Variants in TMCC3 observed in about 807,000 individuals in gnomAD.
TMCC3 encodes the protein transmembrane and coiled-coil domain family 3.
Under a neutral mutation model 40.2 loss-of-function variants are expected in TMCC3, and 28 were observed. The ratio of observed to expected loss-of-function variants is 0.70; its 90% CI spans 0.52 to 0.95. TMCC3 has a LOEUF of 0.95. Ranked by LOEUF, TMCC3 falls within the 40% of genes least tolerant of loss-of-function variation. The pLI, the probability that TMCC3 is intolerant of heterozygous loss-of-function variation, is 0.00. For missense variants in TMCC3, 554 were observed against 615.2 expected, an observed-to-expected ratio of 0.90 and a Z score of 1.05; for synonymous variants, 255 against 248.5, an observed-to-expected ratio of 1.03 and a Z score of -0.25.
At position 94,581,908 on chromosome 12, in the gene TMCC3, T is replaced by C. The variant is rs2068604654; in HGVS notation, c.709A>G (p.Arg237Gly). The C allele has an allele frequency of 1.9e-6, 3 of 1,614,268 alleles. No individual in the cohort carries two copies. The highest frequency in any genetic ancestry group is 1.7e-6 in the Non-Finnish European group (2 of 1,180,044). Reference protein sequence around the residue: ...LEEFRPEASARAYGGSATIVN... With the variant: ...LEEFRPEASAGAYGGSATIVN... Reference sequence around the variant, plus strand: ...ATGGTAGCGCTGCCCCCGTAGGCCCTGGCACTCGCCTCTGGCCTAAACTCC... The same window carrying C: ...ATGGTAGCGCTGCCCCCGTAGGCCCCGGCACTCGCCTCTGGCCTAAACTCC... The change falls in exon 2 of 4, where the codon AGG becomes GGG. Residue 237 changes from arginine (R) to glycine (G), a missense_variant. Coordinates refer to ENST00000261226, the MANE Select transcript of TMCC3 (RefSeq NM_020698.4).
At chr12:94,573,979 A>T (rs1312979253) in intron 3 of TMCC3, among the ~76,000 whole-genome samples, 2 of 152,208 alleles carry the variant, frequency 1.3e-5, no homozygotes, top group African/African-American at 4.8e-5. Context: ...GAGGACAGGA[A>T]CTAGCCCATC....
chr12:94,633,291 C>T (rs1389922322), intron 1 of TMCC3, among the ~76,000 whole-genome samples: 1 of 151,904 alleles, frequency 6.6e-6, no homozygotes. Context: ...TTATGGAGGC[C>T]TCTGAGGAAG....
intron 1 of TMCC3, among the ~76,000 whole-genome samples, chr12:94,638,728 T>C (rs61936698): frequency 7.9e-5 from 12 of 152,244 alleles, no homozygotes; most frequent in Admixed American, 2.0e-4. Context: ...AGTACCCTGC[T>C]GACTATCTGA....
chr12:94,627,850 T>A (rs1193347181), intron 1 of TMCC3, among the ~76,000 whole-genome samples: 1 of 152,252 alleles, frequency 6.6e-6, no homozygotes, highest in Non-Finnish European at 1.5e-5. Flanking sequence ...TATGTATAGG[T>A]CTGGCTTGTC....
chr12:94,626,911 A>G (rs963062582), intron 1 of TMCC3, among the ~76,000 whole-genome samples: 3 of 152,078 alleles, frequency 2.0e-5, no homozygotes, highest in African/African-American at 7.2e-5. Context: ...CCTAAGCTGG[A>G]GTGCAGTGGT....
intron 1 of TMCC3, among the ~76,000 whole-genome samples, chr12:94,627,307 G>A (rs778190797): frequency 2.6e-5 from 4 of 152,166 alleles, no homozygotes; most frequent in Non-Finnish European, 5.9e-5. Flanking sequence ...ACAGCTGTCA[G>A]CACACTAGGG....
intron 1 of TMCC3, among the ~76,000 whole-genome samples, chr12:94,588,958 G>C (rs960580848): frequency 1.3e-5 from 2 of 152,004 alleles, no homozygotes; most frequent in South Asian, 4.2e-4. Flanking sequence ...CGAGTAGCTG[G>C]AACTAAGGCA....
At chr12:94,576,894 C>T (rs61938473) in intron 3 of TMCC3, among the ~76,000 whole-genome samples, 6 of 152,092 alleles carry the variant, frequency 3.9e-5, no homozygotes, top group African/African-American at 1.4e-4. Flanking sequence ...TTATCCTTTC[C>T]TTCCATCCAC....
chr12:94,630,446 C>T (rs543500537), intron 1 of TMCC3, among the ~76,000 whole-genome samples: 5 of 152,226 alleles, frequency 3.3e-5, no homozygotes, highest in African/African-American at 1.2e-4. Flanking sequence ...GCAGAGCTAC[C>T]TGGGTTCAGG....
At chr12:94,602,271 G>C (rs1168893264) in intron 1 of TMCC3, among the ~76,000 whole-genome samples, 1 of 152,176 alleles carries the variant, frequency 6.6e-6, no homozygotes, top group Non-Finnish European at 1.5e-5. Context: ...ATAAGATTAG[G>C]GATTGGTTTT....
chr12:94,598,111 C>T (rs1438530768), intron 1 of TMCC3, among the ~76,000 whole-genome samples: 2 of 152,114 alleles, frequency 1.3e-5, no homozygotes, highest in Non-Finnish European at 1.5e-5. Context: ...TAAATGTTTC[C>T]GGTACCTTAT....
chr12:94,623,550 CGAA>C (rs2068887034), intron 1 of TMCC3, among the ~76,000 whole-genome samples: 2 of 152,186 alleles, frequency 1.3e-5, no homozygotes, highest in African/African-American at 4.8e-5. Context: ...TCTTCAGGAG[CGAA>C]TTCACAGCCT....
intron 1 of TMCC3, among the ~76,000 whole-genome samples, chr12:94,609,514 T>C (rs2068802487): frequency 6.6e-6 from 1 of 152,192 alleles, no homozygotes. Context: ...CTTAGCAACT[T>C]GATTTTTTGC....
Position 94,650,416 on chromosome 12 carries a change from G to A in TMCC3, c.15C>T (p.Asp5=). The A allele has an allele frequency of 1.5e-6, 2 of 1,306,974 alleles. No individual in the cohort carries two copies. Among genetic ancestry groups the A allele is most frequent in the Non-Finnish European group, 9.8e-7 (1 of 1,022,418 alleles). 81.0% of individuals were successfully genotyped at this position (1,306,974 alleles called of 1,614,324 possible). Residue 5 remains aspartate (D), a synonymous_variant, in exon 1 of 4, where the codon GAC becomes GAT. Transcript: ENST00000261226. The stretch of plus-strand genomic sequence containing the variant: ...AGGTCCGGTCCACGGTGAGCGCCGT[G>A]TCGCTGCCCGGCATCTCCGCGCTCC... MPGS[D]TALTVDRTYS...
intron 1 of TMCC3, among the ~76,000 whole-genome samples, chr12:94,601,492 A>C (rs2068751943): frequency 6.6e-6 from 1 of 151,396 alleles, no homozygotes; most frequent in Middle Eastern, 3.4e-3. Flanking sequence ...CACTCACTAC[A>C]CTCCAGCCTG....
At chr12:94,604,626 G>T (rs1440750766) in intron 1 of TMCC3, among the ~76,000 whole-genome samples, 2 of 135,504 alleles carry the variant, frequency 1.5e-5, no homozygotes, top group East Asian at 4.1e-4. Context: ...GCACAATAGT[G>T]AGACCCCATC....
chr12:94,591,658 AG>A (rs2068676416), intron 1 of TMCC3, among the ~76,000 whole-genome samples: 1 of 152,152 alleles, frequency 6.6e-6, no homozygotes, highest in Non-Finnish European at 1.5e-5. Context: ...CGGGAGGTTG[AG>A]GCACGAGGGT....
At chr12:94,629,476 C>T (rs2068920982) in intron 1 of TMCC3, among the ~76,000 whole-genome samples, 2 of 152,218 alleles carry the variant, frequency 1.3e-5, no homozygotes, top group Non-Finnish European at 2.9e-5. Context: ...AGGGCAGTGC[C>T]CACATCTGAC....
intron 1 of TMCC3, among the ~76,000 whole-genome samples, chr12:94,636,437 C>G (rs919944067): frequency 3.3e-5 from 5 of 152,178 alleles, no homozygotes; most frequent in Non-Finnish European, 7.3e-5. Flanking sequence ...TCAGCACACA[C>G]CAAACATATA....
Sources: allele counts gnomAD v4.1 joint callset (sites outside exome capture counted in the v4.1 genomes callset), GRCh38; gene constraint gnomAD v4.1.1; transcripts MANE v1.5; gene names NCBI Gene and HGNC (gene_info 2026-07-23, HGNC 2026-07-21).